The following NOS1AP variants were observed in gnomAD, a reference collection of about 807,000 sequenced individuals.
The protein encoded by NOS1AP is carboxyl-terminal PDZ ligand of neuronal nitric oxide synthase protein.
NOS1AP carries 21 observed loss-of-function variants against 56.2 expected under a neutral mutation model. That is an observed-to-expected ratio of 0.37 (90% confidence interval 0.26 to 0.54). NOS1AP has a LOEUF of 0.54. Among genes scored for constraint, NOS1AP ranks in the 20% least tolerant of loss-of-function variants. The pLI is 0.84. For missense variants in NOS1AP, 522 were observed against 657.8 expected (o/e 0.79, Z 2.26); for synonymous variants, 270 against 274.6 (o/e 0.98, Z 0.17).
chr1:162,291,556 A>G (rs1036873366), intron 3 of NOS1AP, among the ~76,000 whole-genome samples: 2 of 152,052 alleles, frequency 1.3e-5, no homozygotes, highest in African/African-American at 2.4e-5. Flanking sequence ...TGCTAATTCC[A>G]TAGTATTAAT....
Position 162,310,661 on chromosome 1 carries a change from A to G in NOS1AP, c.344+9955A>G, listed in dbSNP as rs144839194. On this transcript the variant is annotated intron_variant, in intron 4 of 9. Transcript: ENST00000361897. Reference sequence around the variant, plus strand: ...TATGAACTAAGAAGGGGAAGGAAATACCATTCATGCTGCCTAGCTTCTGTT... The same window carrying G: ...TATGAACTAAGAAGGGGAAGGAAATGCCATTCATGCTGCCTAGCTTCTGTT... Among the ~76,000 whole-genome samples the G allele has an allele frequency of 1.7e-3, 260 of 152,364 alleles. 1 individual carries two copies. Among genetic ancestry groups the G allele is most frequent in the African/African-American group, 6.2e-3 (256 of 41,590 alleles).
intron 6 of NOS1AP, among the ~76,000 whole-genome samples, chr1:162,347,826 A>G (rs934936170): frequency 6.6e-6 from 1 of 152,168 alleles, no homozygotes; most frequent in African/African-American, 2.4e-5. Flanking sequence ...AGTAAGTATC[A>G]TGGACTTTTC....
intron 3 of NOS1AP, among the ~76,000 whole-genome samples, chr1:162,293,010 G>A (rs1481709842): frequency 1.3e-5 from 2 of 152,172 alleles, no homozygotes; most frequent in Non-Finnish European, 2.9e-5. Context: ...TTTCCACCGT[G>A]CTGTGTTTCT....
chr1:162,168,425 C>T (rs989584692), intron 2 of NOS1AP, among the ~76,000 whole-genome samples: 6 of 152,212 alleles, frequency 3.9e-5, no homozygotes, highest in South Asian at 2.1e-4. Flanking sequence ...AACTTCCAAA[C>T]GAACCTGTTT....
chr1:162,260,669 T>C (rs190316939), intron 2 of NOS1AP, among the ~76,000 whole-genome samples: 31 of 152,314 alleles, frequency 2.0e-4, no homozygotes, highest in African/African-American at 6.0e-4. Flanking sequence ...AAAGAGGTTG[T>C]CTGGAAAGGC....
At chr1:162,251,280 C>T (rs369828916) in intron 2 of NOS1AP, among the ~76,000 whole-genome samples, 3 of 152,130 alleles carry the variant, frequency 2.0e-5, no homozygotes, top group South Asian at 2.1e-4. Flanking sequence ...CAGCTCATGT[C>T]CTGCTGTCTC....
intron 5 of NOS1AP, among the ~76,000 whole-genome samples, chr1:162,341,036 T>C (rs1657092467): frequency 6.6e-6 from 1 of 152,196 alleles, no homozygotes; most frequent in Non-Finnish European, 1.5e-5. Flanking sequence ...GCCTGAGAAA[T>C]ACAGGTCCTC....
intron 1 of NOS1AP, among the ~76,000 whole-genome samples, chr1:162,129,208 C>A (rs1417632517): frequency 6.6e-6 from 1 of 152,134 alleles, no homozygotes. Context: ...TTCTAGCCCT[C>A]TGTGATCTGT....
intron 1 of NOS1AP, among the ~76,000 whole-genome samples, chr1:162,089,579 T>C (rs1692082652): frequency 6.6e-6 from 1 of 152,246 alleles, no homozygotes; most frequent in Non-Finnish European, 1.5e-5. Context: ...AAAGACTTTG[T>C]ATATGTGATT....
At chr1:162,211,318 A>G (rs546270354) in intron 2 of NOS1AP, among the ~76,000 whole-genome samples, 1 of 152,296 alleles carries the variant, frequency 6.6e-6, no homozygotes, top group South Asian at 2.1e-4. Context: ...TGGGTTGCAG[A>G]TGATTCTTGC....
chr1:162,145,657 C>T (rs993017535), intron 1 of NOS1AP, among the ~76,000 whole-genome samples: 1 of 152,206 alleles, frequency 6.6e-6, no homozygotes, highest in East Asian at 1.9e-4. Flanking sequence ...TCCCTTTGGA[C>T]AGTCCTTTGG....
intron 2 of NOS1AP, among the ~76,000 whole-genome samples, chr1:162,209,869 T>TCTTC (rs1652290155): frequency 6.6e-6 from 1 of 152,082 alleles, no homozygotes; most frequent in Non-Finnish European, 1.5e-5. Context: ...TTTCTGGTCA[T>TCTTC]CAGTGTTGTT....
chr1:162,155,273 CAT>C (rs1247855328), intron 2 of NOS1AP, among the ~76,000 whole-genome samples: 2 of 140,370 alleles, frequency 1.4e-5, no homozygotes, highest in African/African-American at 5.2e-5. Context: ...TATACACATA[CAT>C]ATACACATAT....
At chr1:162,108,998 G>A (rs536170001) in intron 1 of NOS1AP, among the ~76,000 whole-genome samples, 9 of 152,348 alleles carry the variant, frequency 5.9e-5, no homozygotes, top group East Asian at 3.9e-4. Context: ...GAATCATGGC[G>A]TAAGGCAAAG....
chr1:162,080,423 A>AG (rs1280521411), intron 1 of NOS1AP, among the ~76,000 whole-genome samples: 1 of 152,120 alleles, frequency 6.6e-6, no homozygotes, highest in Non-Finnish European at 1.5e-5. Flanking sequence ...AGTGCTTTCC[A>AG]GGGGGAACTT....
In NOS1AP at chr1:162,370,287, A is replaced by G. The variant is rs1051031102; in HGVS notation, c.*2820A>G. The G allele has an allele frequency of 3.3e-5, 5 of 152,010 alleles. No individual in the cohort carries two copies. The highest frequency in any genetic ancestry group is 7.4e-5 in the Non-Finnish European group (5 of 68,022). The allele number at this position is 152,010 out of a possible 1,614,324, so 9.4% of individuals were successfully genotyped here. ...CTTGTTTAGGCGTTGTATTCCTTTT[A>G]TTTACTCTTTGCTTGACTGCTTCCT... On this transcript the variant is annotated 3_prime_UTR_variant, in exon 10 of 10. Coordinates refer to ENST00000361897, the MANE Select transcript of NOS1AP (RefSeq NM_014697.3).
At chr1:162,321,944 T>C (rs1404806615) in intron 4 of NOS1AP, among the ~76,000 whole-genome samples, 1 of 151,978 alleles carries the variant, frequency 6.6e-6, no homozygotes, top group Non-Finnish European at 1.5e-5. Context: ...ACTGAAAAAG[T>C]TCCCGTTGGT....
intron 6 of NOS1AP, among the ~76,000 whole-genome samples, chr1:162,349,593 G>A (rs1657425404): frequency 6.6e-6 from 1 of 152,196 alleles, no homozygotes; most frequent in Non-Finnish European, 1.5e-5. Context: ...CTGGTATTGT[G>A]AGAGAATGTA....
chr1:162,172,822 T>C (rs1320165992), intron 2 of NOS1AP, among the ~76,000 whole-genome samples: 1 of 152,224 alleles, frequency 6.6e-6, no homozygotes, highest in Non-Finnish European at 1.5e-5. Flanking sequence ...ACTATGCTGA[T>C]GTTGAGACTG....
Sources: allele counts gnomAD v4.1 joint callset (sites outside exome capture counted in the v4.1 genomes callset), GRCh38; gene constraint gnomAD v4.1.1; transcripts MANE v1.5; gene names NCBI Gene and HGNC (gene_info 2026-07-23, HGNC 2026-07-21).